Variants in PDE1C observed in about 807,000 individuals in gnomAD.
PDE1C encodes the protein dual specificity calcium/calmodulin-dependent 3',5'-cyclic nucleotide phosphodiesterase 1C.
PDE1C carries 62 observed loss-of-function variants against 93.1 expected under a neutral mutation model. The ratio of observed to expected loss-of-function variants is 0.67; its 90% CI spans 0.54 to 0.82. The LOEUF is 0.82. Ranked by LOEUF, PDE1C falls within the 40% of genes least tolerant of loss-of-function variation. The probability of loss-of-function intolerance (pLI) is 0.00; values close to 1 mark genes in which losing one functional copy is unlikely to be tolerated. For missense variants in PDE1C, 742 were observed against 884.6 expected, an observed-to-expected ratio of 0.84 and a Z score of 2.04; for synonymous variants, 325 against 310.1, an observed-to-expected ratio of 1.05 and a Z score of -0.50.
At chr7:31,692,692 G>A in the PDE1C span, among the ~76,000 whole-genome samples, 1 of 152,192 alleles carries the variant, frequency 6.6e-6, no homozygotes, top group African/African-American at 2.4e-5. Flanking sequence ...ATGGGTCTGT[G>A]GGGTCTGCCA....
At chr7:32,105,872 C>T (rs552048618) in intron 3 of PDE1C, among the ~76,000 whole-genome samples, 1 of 151,966 alleles carries the variant, frequency 6.6e-6, no homozygotes, top group Non-Finnish European at 1.5e-5. Flanking sequence ...AGAGAAAAGT[C>T]CAACTACACT....
intron 9 of PDE1C, among the ~76,000 whole-genome samples, chr7:31,839,357 C>T (rs971946198): frequency 9.9e-5 from 14 of 140,852 alleles, no homozygotes; most frequent in Middle Eastern, 3.5e-3. Context: ...CACATACATA[C>T]GCATTATATA....
chr7:32,204,200 G>A (rs1391079666), intron 2 of PDE1C, among the ~76,000 whole-genome samples: 1 of 152,106 alleles, frequency 6.6e-6, no homozygotes, highest in Non-Finnish European at 1.5e-5. Flanking sequence ...TCGTGGGTGG[G>A]GCAGAGTGAG....
Position 32,281,095 on chromosome 7 carries a change from G to A in PDE1C, c.85+17556C>T, listed in dbSNP as rs140669598. Among the ~76,000 whole-genome samples the A allele has an allele frequency of 6.3e-3, 961 of 151,964 alleles. 6 individuals are homozygous for A. Among genetic ancestry groups the A allele is most frequent in the African/African-American group, 0.022 (921 of 41,438 alleles). ...TTTTAAATCAGTGCAGAAAAAAATGGGTAAATTTAGGGAAAAAACAATTAA... is the reference window on the plus strand; with the variant it reads ...TTTTAAATCAGTGCAGAAAAAAATGAGTAAATTTAGGGAAAAAACAATTAA... On this transcript the variant is annotated intron_variant, in intron 1 of 18. Transcript: ENST00000396193.
At chr7:31,829,049 T>C (rs1790050603) in intron 11 of PDE1C, among the ~76,000 whole-genome samples, 1 of 152,168 alleles carries the variant, frequency 6.6e-6, no homozygotes, top group African/African-American at 2.4e-5. Flanking sequence ...AGATGTTTTC[T>C]AAAAACTTGG....
intron 2 of PDE1C, among the ~76,000 whole-genome samples, chr7:31,978,012 C>A (rs542222254): frequency 6.6e-6 from 1 of 152,112 alleles, no homozygotes; most frequent in Non-Finnish European, 1.5e-5. Context: ...AAGATGAAGA[C>A]GCTAAGATAT....
At chr7:32,182,870 G>T (rs925325838) in intron 2 of PDE1C, among the ~76,000 whole-genome samples, 32 of 152,288 alleles carry the variant, frequency 2.1e-4, no homozygotes, top group Admixed American at 6.5e-4. Flanking sequence ...GTCCCTGTTT[G>T]CAGATGACAA....
At chr7:31,777,563 G>A (rs1046029983) in intron 16 of PDE1C, among the ~76,000 whole-genome samples, 1 of 151,942 alleles carries the variant, frequency 6.6e-6, no homozygotes, top group African/African-American at 2.4e-5. Context: ...TCCTAACCTC[G>A]TGATCCACAC....
At chr7:31,685,404 A>G in the PDE1C span, among the ~76,000 whole-genome samples, 812 of 152,330 alleles carry the variant, frequency 5.3e-3, 2 homozygotes, top group Middle Eastern at 0.017. Context: ...TTACCATTGG[A>G]TATAACTGCT....
chr7:31,918,638 C>T (rs142149348), intron 2 of PDE1C, among the ~76,000 whole-genome samples: 21 of 152,318 alleles, frequency 1.4e-4, no homozygotes, highest in African/African-American at 4.6e-4. Flanking sequence ...AGGCTTTCTG[C>T]TTTTATAGTC....
intron 2 of PDE1C, among the ~76,000 whole-genome samples, chr7:31,947,310 C>G (rs1007771656): frequency 6.6e-6 from 1 of 152,160 alleles, no homozygotes; most frequent in Admixed American, 6.5e-5. Context: ...AAATGTTAAT[C>G]TCATCTAAAA....
In PDE1C at chr7:31,837,213, C is replaced by G. The variant is rs1791225741; in HGVS notation, c.1170G>C (p.Trp390Cys). Reference protein sequence around the residue: ...PAKAWDLHHRWTMSLLEEFFR... With the variant: ...PAKAWDLHHRCTMSLLEEFFR... ...AGAACTCCTCCAGGAGTGACATTGT[C>G]CAGCGATGATGGAGGTCCCATGCTT... The change falls in exon 11 of 18, where the codon TGG becomes TGC. Residue 390 changes from tryptophan to cysteine, a missense_variant. By Grantham distance (215) the Trp-to-Cys change is radical (BLOSUM62 -2). This residue lies in a region of PDE1C where 454 missense variants were observed against 459.4 expected (regional missense o/e 0.99). Coordinates refer to ENST00000396191, the MANE Select transcript of PDE1C (RefSeq NM_001191057.4). The G allele has an allele frequency of 1.2e-6, 2 of 1,613,668 alleles. No homozygotes were observed. Among genetic ancestry groups the G allele is most frequent in the Admixed American group, 1.7e-5 (1 of 59,980 alleles).
chr7:32,319,838 G>GTAAT (rs1218969720), intron 1 of PDE1C, among the ~76,000 whole-genome samples: 1 of 152,200 alleles, frequency 6.6e-6, no homozygotes, highest in East Asian at 1.9e-4. Flanking sequence ...AAGATAGTGT[G>GTAAT]TAATTGCACC....
At chr7:32,283,023 A>C (rs562592020) in intron 1 of PDE1C, among the ~76,000 whole-genome samples, 1 of 152,318 alleles carries the variant, frequency 6.6e-6, no homozygotes, top group East Asian at 1.9e-4. Context: ...TAGAATGTAC[A>C]TTTCAAATGT....
intron 3 of PDE1C, among the ~76,000 whole-genome samples, chr7:32,084,559 G>A (rs1796939395): frequency 1.3e-5 from 2 of 151,656 alleles, no homozygotes; most frequent in Admixed American, 6.6e-5. Context: ...ATTTTTTTCA[G>A]CACCACACCA....
the PDE1C span, among the ~76,000 whole-genome samples, chr7:31,701,401 G>T: frequency 4.6e-5 from 7 of 152,330 alleles, no homozygotes; most frequent in East Asian, 1.9e-4. Context: ...GATAAAATTT[G>T]AATGGATGAA....
At chr7:32,252,979 C>G (rs187790514) in intron 1 of PDE1C, among the ~76,000 whole-genome samples, 142 of 152,210 alleles carry the variant, frequency 9.3e-4, no homozygotes, top group African/African-American at 3.3e-3. Flanking sequence ...TTGAGTAGCA[C>G]AGTGGACAGG....
At chr7:31,714,252 A>C in the PDE1C span, among the ~76,000 whole-genome samples, 35 of 152,306 alleles carry the variant, frequency 2.3e-4, no homozygotes, top group Non-Finnish European at 4.3e-4. Flanking sequence ...GCAGGGGTAA[A>C]ATGCTACCAG....
chr7:31,766,155 C>T (rs1331289276), intron 17 of PDE1C, among the ~76,000 whole-genome samples: 1 of 152,092 alleles, frequency 6.6e-6, no homozygotes, highest in African/African-American at 2.4e-5. Context: ...GAGGCTGAGG[C>T]AGGCAGATCA....
Sources: gnomAD v4.1 joint callset for allele counts (sites outside exome capture counted in the v4.1 genomes callset) on GRCh38, gnomAD v4.1.1 for gene constraint, gnomAD v4.1.1 regional missense constraint, MANE v1.5 for transcripts, NCBI Gene and HGNC (gene_info 2026-07-23, HGNC 2026-07-21) for gene names.